MROH1: variants seen among roughly 807,000 people sequenced by gnomAD.
The protein encoded by MROH1 is maestro heat like repeat family member 1, also known as maestro heat-like repeat-containing protein family member 1.
In MROH1, 117 loss-of-function variants were observed where a neutral mutation model predicts 116.5. The observed-to-expected ratio is 1.00, with a 90% CI of 0.86 to 1.17. The LOEUF (loss-of-function observed/expected upper bound fraction) is 1.17, where lower values mean the gene tolerates loss of function less well. MROH1 is among the 50% of genes most tolerant of loss of function. The pLI, the probability that MROH1 is intolerant of heterozygous loss-of-function variation, is 0.00. For synonymous variants in MROH1, 921 were observed against 583.9 expected (o/e 1.58, Z -8.32); for missense variants, 1,873 against 1,338.5 (o/e 1.40, Z -6.23).
At chr8:144,181,671 G>C (rs1042535441) in intron 7 of MROH1, among the ~76,000 whole-genome samples, 9 of 152,170 alleles carry the variant, frequency 5.9e-5, no homozygotes, top group Admixed American at 3.9e-4. Flanking sequence ...ACAGGATGGG[G>C]GCAGCTGCAT....
At chr8:144,172,553 AG>A (rs1164906441) in intron 4 of MROH1, among the ~76,000 whole-genome samples, 2 of 151,964 alleles carry the variant, frequency 1.3e-5, no homozygotes, top group African/African-American at 2.4e-5. Flanking sequence ...CTGGGATTAC[AG>A]ACGCGTGCCA....
chr8:144,153,203 T>C (rs1487218855), intron 1 of MROH1, among the ~76,000 whole-genome samples: 1 of 149,016 alleles, frequency 6.7e-6, no homozygotes, highest in Non-Finnish European at 1.5e-5. Context: ...AATTCCTTCT[T>C]TTTTTTTTTT....
chr8:144,235,038 G>A (rs891154048), intron 14 of MROH1, among the ~76,000 whole-genome samples: 4 of 151,574 alleles, frequency 2.6e-5, no homozygotes, highest in Non-Finnish European at 2.9e-5. Context: ...GATTACAGGC[G>A]TGCGCCACCA....
intron 1 of MROH1, among the ~76,000 whole-genome samples, chr8:144,157,570 C>G (rs898738788): frequency 2.7e-5 from 4 of 150,874 alleles, no homozygotes; most frequent in African/African-American, 9.8e-5. Flanking sequence ...AGTTCGATTT[C>G]TTTTTAGATA....
intron 12 of MROH1, among the ~76,000 whole-genome samples, chr8:144,209,025 TTTTGTGTGTGTGTGTGTG>T (rs765978956): frequency 5.7e-5 from 7 of 122,584 alleles, no homozygotes; most frequent in Non-Finnish European, 1.1e-4. Context: ...CACTCGGCCA[TTTTGTGTGTGTGTGTGTG>T]TGTGTGTGTG....
In MROH1 at chr8:144,177,967, C is replaced by CTT. The variant is rs61011280; in HGVS notation, c.169-1476_169-1475dup. Among the ~76,000 whole-genome samples the CTT allele has an allele frequency of 7.0e-3, 1,005 of 143,752 alleles. 6 individuals are homozygous for CTT. The highest frequency in any genetic ancestry group is 0.02 in the African/African-American group (783 of 39,208). 94.3% of individuals were successfully genotyped at this position (143,752 alleles called of 152,430 possible). ...TACCCAGTCTCCGGTATTTCTTCTT[C>CTT]TTTTTTTTTTTTTCTTTGAGACAGT... is the stretch of plus-strand genomic sequence containing the variant. On this transcript the variant is annotated intron_variant, in intron 4 of 43. Coordinates refer to ENST00000326134, the MANE Select transcript of MROH1 (RefSeq NM_032450.3).
rs1303589071 is a variant in MROH1, at chr8:144,255,082, A to G, written c.3594+104A>G. ...TGAGGTGGCCCGGACGCCACCCCACAGGCACCTGGAGGCAGCACCGGGCTG... is the reference window on the plus strand; with the variant it reads ...TGAGGTGGCCCGGACGCCACCCCACGGGCACCTGGAGGCAGCACCGGGCTG... On this transcript the variant is annotated intron_variant, in intron 34 of 43. Transcript: ENST00000326134. 4.8e-6 allele frequency: 3 copies of G among 627,776 alleles called. No individual in the cohort carries two copies. In the African/African-American group the frequency reaches 5.5e-5, roughly 11 times the overall value. The allele number at this position is 627,776 out of a possible 1,614,324, so 38.9% of individuals were successfully genotyped here.
Position 144,255,700 on chromosome 8 carries a change from C to T in MROH1, c.3786C>T (p.Pro1262=). 1 of 754,226 alleles carries T rather than the reference C, an allele frequency of 1.3e-6. No individual in the cohort carries two copies. The highest frequency in any genetic ancestry group is 2.5e-6 in the Non-Finnish European group (1 of 405,694). The allele number at this position is 754,226 out of a possible 1,614,324, so 46.7% of individuals were successfully genotyped here. ...SPALATRNLE[P]CSSAVDTLRS... is the part of the protein sequence containing the mutation. ...CCCTAGCCACCAGGAACCTGGAACC[C>T]TGCAGGTATCTGGGTCCCCACTTCC... The change falls in exon 35 of 44, where the codon CCC becomes CCT. Residue 1262 remains proline, a synonymous_variant. Coordinates refer to ENST00000326134, the MANE Select transcript of MROH1 (RefSeq NM_032450.3).
At chr8:144,194,563 G>A (rs1829386173) in intron 10 of MROH1, among the ~76,000 whole-genome samples, 1 of 152,160 alleles carries the variant, frequency 6.6e-6, no homozygotes, top group South Asian at 2.1e-4. Context: ...AGGAGGGAAG[G>A]GAAGATGGTC....
intron 12 of MROH1, among the ~76,000 whole-genome samples, chr8:144,209,214 A>G (rs1833553161): frequency 1.3e-5 from 2 of 152,002 alleles, no homozygotes; most frequent in Non-Finnish European, 2.9e-5. Flanking sequence ...GTTTTATCCT[A>G]AGGCTTTAAA....
intron 4 of MROH1, among the ~76,000 whole-genome samples, chr8:144,172,552 C>T (rs1822759289): frequency 6.6e-6 from 1 of 151,978 alleles, no homozygotes; most frequent in Non-Finnish European, 1.5e-5. Flanking sequence ...GCTGGGATTA[C>T]AGACGCGTGC....
intron 28 of MROH1, 48 bp downstream of exon 28, chr8:144,244,587 G>T: frequency 1.4e-6 from 1 of 721,920 alleles, no homozygotes; most frequent in Non-Finnish European, 2.6e-6. Flanking sequence ...GGCACAGAGG[G>T]CACTCCACCT....
intron 4 of MROH1, among the ~76,000 whole-genome samples, chr8:144,170,157 T>TGG (rs1822079966): frequency 6.6e-6 from 1 of 152,152 alleles, no homozygotes; most frequent in African/African-American, 2.4e-5. Context: ...ATGGCTGCCT[T>TGG]GGGGGAGAAT....
At chr8:144,151,083 A>C (rs1487405675) in intron 1 of MROH1, among the ~76,000 whole-genome samples, 1 of 151,848 alleles carries the variant, frequency 6.6e-6, no homozygotes, top group Non-Finnish European at 1.5e-5. Context: ...CCCCGTCTCC[A>C]CTAAAAATAC....
Position 144,260,669 on chromosome 8 carries a change from CT to C in MROH1, c.4381-6del. 2.6e-6 allele frequency: 2 copies of C among 778,564 alleles called. No individual in the cohort carries two copies. The highest frequency in any genetic ancestry group is 4.8e-6 in the Non-Finnish European group (2 of 417,780). 48.2% of individuals were successfully genotyped at this position (778,564 alleles called of 1,614,324 possible). A position where few individuals can be genotyped will look rare whatever the true frequency, so the allele number is the denominator to read the frequency against. On this transcript the variant is annotated splice_polypyrimidine_tract_variant and splice_region_variant and intron_variant, in intron 39 of 43. Transcript: ENST00000326134. ...TGTGAGGAGACGTATGCTGCATGTC[CT>C]TCCCAGGAGAAGATGGAGTTCCGGA... is the stretch of plus-strand genomic sequence containing the variant.
Position 144,244,038 on chromosome 8 carries a change from G to T in MROH1, c.2555+96G>T, listed in dbSNP as rs1016703352. The T allele has an allele frequency of 8.3e-6, 6 of 724,018 alleles. No homozygotes were observed. In the South Asian group the frequency reaches 8.8e-5, roughly 11 times the overall value. 44.8% of individuals were successfully genotyped at this position (724,018 alleles called of 1,614,324 possible). ...CACGTGTATGCGCGTGTGCATGTGC[G>T]TGTGTGTGCCTGTGCTTGCGTGTGT... On this transcript the variant is annotated intron_variant, in intron 26 of 43. Coordinates refer to ENST00000326134, the MANE Select transcript of MROH1 (RefSeq NM_032450.3).
chr8:144,176,884 G>A (rs917410229), intron 4 of MROH1, among the ~76,000 whole-genome samples: 2 of 151,816 alleles, frequency 1.3e-5, no homozygotes, highest in South Asian at 4.1e-4. Context: ...CAGTCTGCCT[G>A]CAGAAGCCTT....
At chr8:144,247,821 G>T (rs1307086194) in intron 31 of MROH1, 142 bp downstream of exon 31, 1 of 678,398 alleles carries the variant, frequency 1.5e-6, no homozygotes, top group Non-Finnish European at 2.7e-6. Context: ...CTGGGTGTTT[G>T]CATTAGTTGC....
chr8:144,161,740 G>A lies in MROH1; in HGVS notation c.-57+651G>A, dbSNP rs117412452. ...TAGCTCCTGTTTGAGTTGGGTGAGCGTGGCTGCTGCACTGGAAGGGGTGCT... is the reference window on the plus strand; with the variant it reads ...TAGCTCCTGTTTGAGTTGGGTGAGCATGGCTGCTGCACTGGAAGGGGTGCT... On this transcript the variant is annotated intron_variant, in intron 2 of 43. Transcript: ENST00000326134. 1.8e-4 allele frequency among the ~76,000 whole-genome samples: 27 copies of A among 152,378 alleles called. No homozygotes were observed. In the East Asian group the frequency reaches 3.9e-3, roughly 22 times the overall value.
Sources: gnomAD v4.1 joint callset for allele counts (sites outside exome capture counted in the v4.1 genomes callset) on GRCh38, gnomAD v4.1.1 for gene constraint, MANE v1.5 for transcripts, NCBI Gene and HGNC (gene_info 2026-07-23, HGNC 2026-07-21) for gene names.